AQR: variants seen among roughly 807,000 people sequenced by gnomAD.
AQR encodes RNA helicase aquarius.
AQR carries 61 observed loss-of-function variants against 180.5 expected under a neutral mutation model. The observed-to-expected ratio is 0.34, with a 90% CI of 0.28 to 0.42. The LOEUF is 0.42. Among genes scored for constraint, AQR ranks in the 10% least tolerant of loss-of-function variants. The pLI is 1.00. For synonymous variants in AQR, 551 were observed against 588.8 expected (o/e 0.94, Z 0.93); for missense variants, 1,281 against 1,798.3 (o/e 0.71, Z 5.20).
In AQR at chr15:34,920,362, A is replaced by T. The variant is rs748051787; in HGVS notation, c.1191T>A (p.Thr397=). 3 of 1,612,956 alleles carry T rather than the reference A, an allele frequency of 1.9e-6. No homozygotes were observed. The highest frequency in any genetic ancestry group is 8.5e-7 in the Non-Finnish European group (1 of 1,179,358). ...LPTLPKNEDT[T]FDKEFLLELL... is the part of the protein sequence containing the mutation. The stretch of plus-strand genomic sequence containing the variant: ...ATTCTAGAAGAAATTCTTTATCAAA[A>T]GTTGTGTCTTCATTTTTAGGAAGAG... The change falls in exon 14 of 35, where the codon ACT becomes ACA. Residue 397 remains threonine (T), a synonymous_variant. Transcript: ENST00000156471.
chr15:34,950,084 C>CTTT lies in AQR; in HGVS notation c.210-1703_210-1701dup, dbSNP rs1174370425. Among the ~76,000 whole-genome samples the CTTT allele has an allele frequency of 3.6e-3, 265 of 74,030 alleles. 2 individuals carry two copies. The highest frequency in any genetic ancestry group is 6.8e-3 in the African/African-American group (119 of 17,544). 48.6% of individuals were successfully genotyped at this position (74,030 alleles called of 152,430 possible). A position where few individuals can be genotyped will look rare whatever the true frequency, so the allele number is the denominator to read the frequency against. ...ATTTTTACTTCTCTTTGCTATTTTC[C>CTTT]TTTTTTTTTTTTTTTTTTTTTTTTG... is the stretch of plus-strand genomic sequence containing the variant. On this transcript the variant is annotated intron_variant, in intron 4 of 34. Coordinates refer to ENST00000156471, the MANE Select transcript of AQR (RefSeq NM_014691.3).
At chr15:34,904,141 T>C (rs370689452) in intron 19 of AQR, among the ~76,000 whole-genome samples, 195 bp downstream of exon 19, 1 of 147,164 alleles carries the variant, frequency 6.8e-6, no homozygotes, top group East Asian at 1.9e-4. Context: ...AAAATAGATT[T>C]AAGAAATCAA....
At chr15:34,927,625 G>A (rs1893784383) in intron 12 of AQR, among the ~76,000 whole-genome samples, 2 of 152,332 alleles carry the variant, frequency 1.3e-5, no homozygotes, top group South Asian at 4.1e-4. Flanking sequence ...AGGGTAAGCT[G>A]TAAGAAAACA....
chr15:34,942,121 G>A (rs1894032117), intron 6 of AQR, 41 bp from the exon 7 acceptor site: 1 of 1,497,044 alleles, frequency 6.7e-7, no homozygotes, highest in Non-Finnish European at 9.2e-7. Flanking sequence ...AAACATACCA[G>A]CATTTCTACC....
chr15:34,897,020 T>C (rs1331804980), intron 21 of AQR, 54 bp from the exon 22 acceptor site: 1 of 1,417,686 alleles, frequency 7.1e-7, no homozygotes, highest in Non-Finnish European at 9.9e-7. Context: ...CTTTGTATAA[T>C]ACAAATTTAG....
Position 34,938,831 on chromosome 15 carries a change from A to G in AQR, c.642-18T>C, listed in dbSNP as rs1893981688. ...GATATGCCCTAAAATCAGAAAGAAC[A>G]TTGACCAATTATTTTTGAAGAATAG... On this transcript the variant is annotated intron_variant, in intron 8 of 34. Coordinates refer to ENST00000156471, the MANE Select transcript of AQR (RefSeq NM_014691.3). The G allele has an allele frequency of 1.3e-6, 2 of 1,544,196 alleles. No homozygotes were observed. Among genetic ancestry groups the G allele is most frequent in the Non-Finnish European group, 1.8e-6 (2 of 1,123,910 alleles).
rs77229498 is a variant in AQR, at chr15:34,930,818, CTTTTTTTTTTTTTTTT to C, written c.901-463_901-448del. Among the ~76,000 whole-genome samples the C allele has an allele frequency of 7.0e-4, 59 of 84,768 alleles. 1 individual carries two copies. The highest frequency in any genetic ancestry group is 3.1e-3 in the East Asian group (9 of 2,886). The allele number at this position is 84,768 out of a possible 152,430, so 55.6% of individuals were successfully genotyped here. A position where few individuals can be genotyped will look rare whatever the true frequency, so the allele number is the denominator to read the frequency against. On this transcript the variant is annotated intron_variant, in intron 11 of 34. Transcript: ENST00000156471. ...GGAGATACTTTTTTATACGCCACTT[CTTTTTTTTTTTTTTTT>C]TTTTTTTTTTTTTTTGGTCTGAGAC... is the stretch of plus-strand genomic sequence containing the variant.
chr15:34,872,841 AAG>A (rs929793126), intron 30 of AQR, among the ~76,000 whole-genome samples: 2 of 152,034 alleles, frequency 1.3e-5, no homozygotes, highest in African/African-American at 2.4e-5. Context: ...TTTTGCTGTA[AAG>A]AGAGAGAGAA....
chr15:34,938,844 T>A (rs753144941), intron 8 of AQR, 31 bp from the exon 9 acceptor site: 2 of 1,461,172 alleles, frequency 1.4e-6, no homozygotes, highest in Admixed American at 1.8e-5. Context: ...GACCAATTAT[T>A]TTTGAAGAAT....
intron 19 of AQR, among the ~76,000 whole-genome samples, chr15:34,901,274 T>C (rs1427537813): frequency 1.3e-5 from 2 of 152,192 alleles, no homozygotes; most frequent in East Asian, 3.8e-4. Context: ...TATTCCATAG[T>C]TCTTTAATGC....
intron 17 of AQR, among the ~76,000 whole-genome samples, chr15:34,909,056 T>C (rs1319749808): frequency 2.9e-4 from 44 of 152,236 alleles, no homozygotes; most frequent in Admixed American, 2.9e-3. Flanking sequence ...TCATAAACTA[T>C]ACCCGCTACA....
chr15:34,908,569 CA>C (rs1893454203), intron 17 of AQR, among the ~76,000 whole-genome samples: 1 of 152,214 alleles, frequency 6.6e-6, no homozygotes, highest in African/African-American at 2.4e-5. Flanking sequence ...TTCTCTCCAT[CA>C]TACCCCAGAT....
At chr15:34,861,029 C>T (rs186528005) in intron 33 of AQR, among the ~76,000 whole-genome samples, 238 of 152,218 alleles carry the variant, frequency 1.6e-3, no homozygotes, top group African/African-American at 5.6e-3. Context: ...TAACAACTTT[C>T]CTATTTATAG....
At position 34,968,978 on chromosome 15, in the gene AQR, C is replaced by G. The variant is rs1012990145; in HGVS notation, c.75+561G>C. Among the ~76,000 whole-genome samples the G allele has an allele frequency of 2.6e-5, 4 of 152,202 alleles. 1 individual carries two copies. The highest frequency in any genetic ancestry group is 9.6e-5 in the African/African-American group (4 of 41,456). ...CTGACAACCACAGGACTGTGGTTCC[C>G]TATCCAAAGCCAACTGTGGCTCACA... On this transcript the variant is annotated intron_variant, in intron 1 of 34. Transcript: ENST00000156471.
intron 23 of AQR, among the ~76,000 whole-genome samples, chr15:34,890,561 C>T (rs536924230): frequency 6.6e-6 from 1 of 152,228 alleles, no homozygotes; most frequent in Non-Finnish European, 1.5e-5. Context: ...ATTTATGAAA[C>T]GAGAAAGGCA....
intron 8 of AQR, among the ~76,000 whole-genome samples, chr15:34,939,492 T>C (rs1376087914): frequency 2.6e-5 from 4 of 152,210 alleles, no homozygotes; most frequent in African/African-American, 9.7e-5. Flanking sequence ...GTAGTTAAAA[T>C]GAGATGAACA....
chr15:34,893,414 G>T (rs1169580859), intron 23 of AQR, among the ~76,000 whole-genome samples: 1 of 152,298 alleles, frequency 6.6e-6, no homozygotes, highest in East Asian at 1.9e-4. Context: ...TCCCAAATAA[G>T]GGAAGGAATG....
At chr15:34,859,119 A>T (rs1352979691) in intron 34 of AQR, among the ~76,000 whole-genome samples, 14 of 152,202 alleles carry the variant, frequency 9.2e-5, no homozygotes, top group Admixed American at 9.2e-4. Flanking sequence ...CAAAATAAAT[A>T]AACAAGCCAG....
intron 15 of AQR, among the ~76,000 whole-genome samples, chr15:34,916,098 TC>T (rs1893580487): frequency 6.6e-6 from 1 of 152,210 alleles, no homozygotes; most frequent in South Asian, 2.1e-4. Context: ...TAAAACTTCT[TC>T]CCTTATCACC....
Sources: allele counts gnomAD v4.1 joint callset (sites outside exome capture counted in the v4.1 genomes callset), GRCh38; gene constraint gnomAD v4.1.1; transcripts MANE v1.5; gene names NCBI Gene and HGNC (gene_info 2026-07-23, HGNC 2026-07-21).